Variants in SYN3 observed in about 807,000 individuals in gnomAD.
SYN3 encodes the protein synapsin III.
SYN3 carries 35 observed loss-of-function variants against 65.8 expected under a neutral mutation model. That is an observed-to-expected ratio of 0.53 (90% CI 0.41 to 0.70). The LOEUF is 0.70. SYN3 is among the 30% of genes least tolerant of loss of function. The probability of loss-of-function intolerance (pLI) is 0.00; values close to 1 mark genes in which losing one functional copy is unlikely to be tolerated. For synonymous variants in SYN3, 270 were observed against 292.9 expected (o/e 0.92, Z 0.80); for missense variants, 680 against 749.0 (o/e 0.91, Z 1.08).
chr22:32,811,324 A>G (rs991695753), intron 6 of SYN3, among the ~76,000 whole-genome samples: 1 of 152,224 alleles, frequency 6.6e-6, no homozygotes, highest in African/African-American at 2.4e-5. Context: ...CCCTTAGTCT[A>G]TACAAGAGAC....
chr22:32,883,796 G>A (rs1374931562), intron 4 of SYN3, among the ~76,000 whole-genome samples: 5 of 152,244 alleles, frequency 3.3e-5, no homozygotes, highest in Non-Finnish European at 5.9e-5. Context: ...TGAGATTCCT[G>A]TCCTATGGCG....
chr22:32,844,245 G>A (rs1345103026), intron 6 of SYN3, among the ~76,000 whole-genome samples: 1 of 152,118 alleles, frequency 6.6e-6, no homozygotes, highest in Non-Finnish European at 1.5e-5. Flanking sequence ...GCAGCTCAAG[G>A]GTATCTTGCC....
rs193218940 is a variant in SYN3 at position 32,977,542 on chromosome 22, G to A, written c.369+3103C>T. On this transcript the variant is annotated intron_variant, in intron 3 of 13. Transcript: ENST00000358763. ...GGGTGGATCACGAGGTCAAGAGATC[G>A]AGACCATCCTGGACAACATGGTGAA... Among the ~76,000 whole-genome samples, 57 of 151,854 alleles carry A rather than the reference G, an allele frequency of 3.8e-4. No homozygotes were observed. In the East Asian group the frequency reaches 9.1e-3, roughly 24 times the overall value.
At chr22:32,581,356 G>A (rs999831578) in intron 7 of SYN3, among the ~76,000 whole-genome samples, 4 of 152,158 alleles carry the variant, frequency 2.6e-5, no homozygotes, top group Admixed American at 6.5e-5. Context: ...TGATCGGCCC[G>A]CCTTGGCATC....
rs552519863 is a variant in SYN3 at position 32,847,465 on chromosome 22, C to T, written c.711+17450G>A. On this transcript the variant is annotated intron_variant, in intron 6 of 13. Coordinates refer to ENST00000358763, the MANE Select transcript of SYN3 (RefSeq NM_003490.4). ...CAATGACTGTGTGTTTTGCCATCGC[C>T]GGCAGGGAAGGTCTGAAGGGGCCAT... 3.7e-4 allele frequency among the ~76,000 whole-genome samples: 56 copies of T among 152,264 alleles called. 1 individual carries two copies. The highest frequency in any genetic ancestry group is 1.3e-3 in the African/African-American group (54 of 41,550).
At chr22:32,534,018 G>C (rs911347138) in intron 9 of SYN3, 123 bp from the exon 10 acceptor site, 8 of 630,390 alleles carry the variant, frequency 1.3e-5, no homozygotes, top group Admixed American at 4.6e-5. Context: ...CATCCAGACG[G>C]CGATGGAGAG....
intron 2 of SYN3, among the ~76,000 whole-genome samples, chr22:32,997,714 G>C (rs2052922294): frequency 6.6e-6 from 1 of 152,124 alleles, no homozygotes; most frequent in South Asian, 2.1e-4. Flanking sequence ...GTCAAGGTGA[G>C]AGGGAAAAAG....
intron 8 of SYN3, among the ~76,000 whole-genome samples, chr22:32,540,374 G>A (rs1027155223): frequency 2.0e-5 from 3 of 152,120 alleles, no homozygotes; most frequent in South Asian, 2.1e-4. Context: ...AGAAGCCTGC[G>A]GATGGAGGGA....
At chr22:32,972,523 C>T (rs1028376706) in intron 3 of SYN3, among the ~76,000 whole-genome samples, 1 of 152,152 alleles carries the variant, frequency 6.6e-6, no homozygotes, top group Admixed American at 6.6e-5. Context: ...AATCTGCATT[C>T]CCCAGATCCT....
intron 3 of SYN3, among the ~76,000 whole-genome samples, chr22:32,956,540 C>T (rs1235094160): frequency 6.6e-6 from 1 of 152,158 alleles, no homozygotes; most frequent in East Asian, 1.9e-4. Flanking sequence ...TAACATTTGT[C>T]CTTTTGTGTC....
chr22:32,548,609 T>TTCAA (rs2058367727), intron 7 of SYN3, among the ~76,000 whole-genome samples: 1 of 151,720 alleles, frequency 6.6e-6, no homozygotes, highest in Non-Finnish European at 1.5e-5. Context: ...CCTGATCTTG[T>TTCAA]GATCCGCCCG....
intron 6 of SYN3, among the ~76,000 whole-genome samples, chr22:32,756,298 G>GC (rs2045290757): frequency 6.6e-6 from 1 of 151,954 alleles, no homozygotes; most frequent in African/African-American, 2.4e-5. Context: ...TAGAGGCATA[G>GC]CATTAGGAGA....
intron 6 of SYN3, among the ~76,000 whole-genome samples, chr22:32,647,333 T>C (rs976951441): frequency 1.3e-5 from 2 of 152,204 alleles, no homozygotes; most frequent in African/African-American, 4.8e-5. Context: ...ACAGAGATCC[T>C]GGTGGCATCT....
At chr22:33,041,405 T>C (rs113816460) in intron 1 of SYN3, among the ~76,000 whole-genome samples, 27,491 of 150,280 alleles carry the variant, frequency 0.18, 2,820 homozygotes, top group East Asian at 0.42. Context: ...ATTCTGCTGC[T>C]TCAGCCTCCC....
intron 6 of SYN3, among the ~76,000 whole-genome samples, chr22:32,688,985 TC>T (rs1431959479): frequency 1.3e-5 from 2 of 152,238 alleles, no homozygotes; most frequent in African/African-American, 4.8e-5. Context: ...AGCCTCAATT[TC>T]TTTAATTGCA....
intron 3 of SYN3, among the ~76,000 whole-genome samples, chr22:32,940,280 T>C (rs954751506): frequency 1.3e-5 from 2 of 152,232 alleles, no homozygotes; most frequent in African/African-American, 4.8e-5. Context: ...ATATATTCAT[T>C]TGGAAATTTC....
chr22:32,530,898 C>A (rs532127613), intron 10 of SYN3, among the ~76,000 whole-genome samples: 5 of 151,558 alleles, frequency 3.3e-5, no homozygotes, highest in Admixed American at 2.6e-4. Context: ...CCCAGCTACT[C>A]GGGAGGCTGA....
chr22:32,637,630 CTTTTTTTTTT>C lies in SYN3; in HGVS notation c.712-40904_712-40895del, dbSNP rs1185407986. 1.5e-3 allele frequency among the ~76,000 whole-genome samples: 143 copies of C among 93,556 alleles called. 1 individual carries two copies. The highest frequency in any genetic ancestry group is 8.8e-3 in the Middle Eastern group (1 of 114). 61.4% of individuals were successfully genotyped at this position (93,556 alleles called of 152,430 possible). On this transcript the variant is annotated intron_variant, in intron 6 of 13. Transcript: ENST00000358763. ...AGTTAGGTTTTCTTTTTTTCTTTTTCTTTTTTTTTTTTTTTTTTTTTTTTTGAGACAGGGT... is the reference window on the plus strand; with the variant it reads ...AGTTAGGTTTTCTTTTTTTCTTTTTCTTTTTTTTTTTTTTTGAGACAGGGT...
At chr22:32,763,620 T>C (rs1023954618) in intron 6 of SYN3, among the ~76,000 whole-genome samples, 1 of 152,222 alleles carries the variant, frequency 6.6e-6, no homozygotes, top group Non-Finnish European at 1.5e-5. Context: ...CTGGTAGCCA[T>C]GCAGTACTGC....
Sources: gnomAD v4.1 joint callset for allele counts (sites outside exome capture counted in the v4.1 genomes callset) on GRCh38, gnomAD v4.1.1 for gene constraint, MANE v1.5 for transcripts, NCBI Gene and HGNC (gene_info 2026-07-23, HGNC 2026-07-21) for gene names.